The following KNDC1 variants were observed in gnomAD, a reference collection of about 807,000 sequenced individuals.
KNDC1 encodes kinase non-catalytic C-lobe domain containing 1.
Under a neutral mutation model 172.8 loss-of-function variants are expected in KNDC1, and 106 were observed. That is an observed-to-expected ratio of 0.61 (90% CI 0.52 to 0.72). KNDC1 has a LOEUF of 0.72. Among genes scored for constraint, KNDC1 ranks in the 30% least tolerant of loss-of-function variants. The pLI, the probability that KNDC1 is intolerant of heterozygous loss-of-function variation, is 0.00. For synonymous variants in KNDC1, 1,083 were observed against 1,062.2 expected (o/e 1.02, Z -0.38); for missense variants, 2,325 against 2,394.5 (o/e 0.97, Z 0.61).
At position 133,163,771 on chromosome 10, in the gene KNDC1, G is replaced by T. The variant is rs1853055113; in HGVS notation, c.102+3202G>T. Among the ~76,000 whole-genome samples, 1 of 152,184 alleles carries T rather than the reference G, an allele frequency of 6.6e-6. No individual in the cohort carries two copies. Among genetic ancestry groups the T allele is most frequent in the Non-Finnish European group, 1.5e-5 (1 of 68,020 alleles). ...GGCCCCTAATGGGGACCTGCCATGAGATAAGGGTCCTCGGTGGGAAGCGTG... is the reference window on the plus strand; with the variant it reads ...GGCCCCTAATGGGGACCTGCCATGATATAAGGGTCCTCGGTGGGAAGCGTG... On this transcript the variant is annotated intron_variant, in intron 1 of 29. Coordinates refer to ENST00000304613, the MANE Select transcript of KNDC1 (RefSeq NM_152643.8). This position sits in a 1 kb window ranked among gnomAD's most constrained non-coding sequence, Gnocchi z 4.4.
chr10:133,187,463 C>G (rs1476781437), intron 6 of KNDC1, among the ~76,000 whole-genome samples: 1 of 152,276 alleles, frequency 6.6e-6, no homozygotes. Flanking sequence ...AGTCAGTGGC[C>G]TGCATGCAAG....
chr10:133,210,859 TGGCTGGAGGTCC>T, intron 21 of KNDC1, 135 bp downstream of exon 21: 1 of 759,218 alleles, frequency 1.3e-6, no homozygotes, highest in East Asian at 2.5e-5. Flanking sequence ...CAGGGAAGCC[TGGCTGGAGGTCC>T]GGCTGGAGGT....
chr10:133,160,604 C>A, intron 1 of KNDC1, 35 bp downstream of exon 1: 1 of 1,474,696 alleles, frequency 6.8e-7, no homozygotes, highest in Non-Finnish European at 9.2e-7. Context: ...GCCCCTTCCG[C>A]CGCCGAGGGG....
intron 24 of KNDC1, among the ~76,000 whole-genome samples, chr10:133,213,256 C>T (rs916584524): frequency 5.9e-5 from 9 of 152,206 alleles, no homozygotes; most frequent in Admixed American, 2.0e-4. Context: ...GCCCCTCCAC[C>T]GGAGCTGGGC....
chr10:133,201,159 C>T (rs527466963), intron 16 of KNDC1, among the ~76,000 whole-genome samples: 37 of 152,300 alleles, frequency 2.4e-4, no homozygotes, highest in Non-Finnish European at 4.7e-4. Flanking sequence ...AAGAGGAGAG[C>T]GTGAGGGGGC....
At chr10:133,205,876 T>C (rs911421571) in intron 17 of KNDC1, among the ~76,000 whole-genome samples, 2 of 150,938 alleles carry the variant, frequency 1.3e-5, no homozygotes, top group African/African-American at 4.9e-5. Flanking sequence ...TCTCAAAAAA[T>C]AAAAAATAAA....
chr10:133,201,475 CG>C, intron 16 of KNDC1, 25 bp from the exon 17 acceptor site: 1 of 1,566,024 alleles, frequency 6.4e-7, no homozygotes, highest in South Asian at 1.2e-5. Flanking sequence ...CCACTGTCCA[CG>C]TAACCTGCGT....
chr10:133,189,092 G>A (rs115700164), intron 7 of KNDC1, among the ~76,000 whole-genome samples: 52 of 152,306 alleles, frequency 3.4e-4, no homozygotes, highest in African/African-American at 1.2e-3. Context: ...AGCATTGCAC[G>A]GGTCTGCCCC....
chr10:133,169,172 G>A (rs1468135070), intron 3 of KNDC1, among the ~76,000 whole-genome samples: 1 of 152,218 alleles, frequency 6.6e-6, no homozygotes, highest in Non-Finnish European at 1.5e-5. Flanking sequence ...TGAAAGAAGA[G>A]TTTGGGGGCT....
At chr10:133,220,207 A>G in intron 29 of KNDC1, 95 bp downstream of exon 29, 1 of 782,508 alleles carries the variant, frequency 1.3e-6, no homozygotes, top group Non-Finnish European at 1.8e-6. Flanking sequence ...CCGCGCGCCC[A>G]GGAGAGGAGG....
At chr10:133,172,452 T>C (rs1373057139) in intron 3 of KNDC1, among the ~76,000 whole-genome samples, 2 of 152,260 alleles carry the variant, frequency 1.3e-5, no homozygotes, top group East Asian at 3.8e-4. Flanking sequence ...ATACACTGTT[T>C]AATTGGATTT....
intron 17 of KNDC1, among the ~76,000 whole-genome samples, chr10:133,204,241 G>C (rs1258112739): frequency 6.6e-6 from 1 of 152,220 alleles, no homozygotes; most frequent in Non-Finnish European, 1.5e-5. Context: ...CAGCCCGGTA[G>C]GTCCTTCCTT....
chr10:133,199,377 T>C (rs1459418409), intron 14 of KNDC1, 81 bp from the exon 15 acceptor site: 45 of 1,578,176 alleles, frequency 2.9e-5, no homozygotes, highest in Non-Finnish European at 3.7e-5. Flanking sequence ...AGATCAGCCT[T>C]GTCCGTTTCA....
chr10:133,164,933 CCAG>C (rs1341089487), intron 1 of KNDC1, among the ~76,000 whole-genome samples: 1 of 152,204 alleles, frequency 6.6e-6, no homozygotes, highest in East Asian at 1.9e-4. Context: ...CCTTGCTCAC[CCAG>C]CCAGTGTGGA....
chr10:133,190,524 G>A (rs371815661), intron 9 of KNDC1, among the ~76,000 whole-genome samples: 6 of 152,366 alleles, frequency 3.9e-5, no homozygotes, highest in South Asian at 2.1e-4. Context: ...CAAGGCAGCC[G>A]TGAGTGCCCT....
rs771220581 is a variant in KNDC1 at position 133,207,162 on chromosome 10, T to C, written c.3605T>C (p.Leu1202Pro). 3.1e-5 allele frequency: 49 copies of C among 1,602,176 alleles called. No individual in the cohort carries two copies. The highest frequency in any genetic ancestry group is 3.5e-5 in the Non-Finnish European group (41 of 1,175,674). The change falls in exon 20 of 30, where the codon CTG becomes CCG. Residue 1202 changes from leucine to proline, a missense_variant. By Grantham distance (98) the Leu-to-Pro change is moderately conservative. Transcript: ENST00000304613. ...LQVMYAERWG[L>P]EPCTLPVIVN... ...GTCATGTACGCGGAACGCTGGGGCC[T>C]GGAGCCCTGCACCCTCCCAGTGATC...
intron 11 of KNDC1, 40 bp downstream of exon 11, chr10:133,197,175 C>A: frequency 6.6e-7 from 1 of 1,506,878 alleles, no homozygotes; most frequent in Non-Finnish European, 9.2e-7. Flanking sequence ...CTCCGCCGCG[C>A]TTAGCTTCCT....
chr10:133,182,846 G>A (rs554379485), intron 3 of KNDC1, among the ~76,000 whole-genome samples: 11 of 151,294 alleles, frequency 7.3e-5, no homozygotes, highest in Admixed American at 3.3e-4. Flanking sequence ...CAGTGTGGGC[G>A]CAGGTGGTGT....
At position 133,215,012 on chromosome 10, in the gene KNDC1, GA is replaced by G. The variant is rs1239975589; in HGVS notation, c.4677+891del. ...CCCAGCAGACGGACAGCCTATTACA[GA>G]GGACTGTGATCTCCTCACACCTGAG... On this transcript the variant is annotated intron_variant, in intron 26 of 29. Transcript: ENST00000304613. Among the ~76,000 whole-genome samples the G allele has an allele frequency of 2.6e-5, 4 of 152,324 alleles. 1 individual carries two copies. The South Asian group carries it at 8.3e-4, about 32-fold the overall frequency.
Sources: gnomAD v4.1 joint callset for allele counts (sites outside exome capture counted in the v4.1 genomes callset) on GRCh38, gnomAD v4.1.1 for gene constraint, Gnocchi (gnomAD v3.1) non-coding constraint, MANE v1.5 for transcripts, NCBI Gene and HGNC (gene_info 2026-07-23, HGNC 2026-07-21) for gene names.